Variants in LAMA3 observed in about 807,000 individuals in gnomAD.
LAMA3 encodes laminin subunit alpha 3, also known as laminin subunit alpha-3.
Under a neutral mutation model 402.0 loss-of-function variants are expected in LAMA3, and 281 were observed. That is an observed-to-expected ratio of 0.70 (90% CI 0.63 to 0.77). LAMA3 has a LOEUF of 0.77. Among genes scored for constraint, LAMA3 ranks in the 30% least tolerant of loss-of-function variants. LAMA3 has a pLI of 0.00. For synonymous variants in LAMA3, 1,431 were observed against 1,558.4 expected (o/e 0.92, Z 1.93); for missense variants, 3,840 against 4,215.5 (o/e 0.91, Z 2.47).
At chr18:23,885,590 A>G (rs890432491) in intron 41 of LAMA3, among the ~76,000 whole-genome samples, 1 of 152,122 alleles carries the variant, frequency 6.6e-6, no homozygotes, top group Admixed American at 6.5e-5. Context: ...GCCACTATGC[A>G]TAGGACACTG....
At position 23,946,382 on chromosome 18, in the gene LAMA3, T is replaced by G; in HGVS notation, c.9351+98T>G. On this transcript the variant is annotated intron_variant, in intron 70 of 74. Coordinates refer to ENST00000313654, the MANE Select transcript of LAMA3 (RefSeq NM_198129.4). ...TCAAAATACTCACCATATGAGAATC[T>G]CAAAATACTTTAAATGATTTTTAAG... is the stretch of plus-strand genomic sequence containing the variant. 3 of 1,265,472 alleles carry G rather than the reference T, an allele frequency of 2.4e-6. 1 individual carries two copies. The South Asian group carries it at 3.7e-5, about 16-fold the overall frequency. The allele number at this position is 1,265,472 out of a possible 1,614,324, so 78.4% of individuals were successfully genotyped here.
At chr18:23,814,832 A>T (rs2063144275) in intron 15 of LAMA3, among the ~76,000 whole-genome samples, 1 of 152,250 alleles carries the variant, frequency 6.6e-6, no homozygotes, top group South Asian at 2.1e-4. Context: ...ATAAGGACTT[A>T]AAAACACCGA....
Position 23,847,742 on chromosome 18 carries a change from G to A in LAMA3, c.4136+74G>A, listed in dbSNP as rs567258395. On this transcript the variant is annotated intron_variant, in intron 32 of 74. Transcript: ENST00000313654. ...GCCATCTGCCCACACACTGGTCATC[G>A]TCACTTTCCACTTCCCACCTGTCCA... 147 of 1,452,898 alleles carry A rather than the reference G, an allele frequency of 1.0e-4. No homozygotes were observed. The Middle Eastern group carries it at 2.7e-3, about 27-fold the overall frequency. The allele number at this position is 1,452,898 out of a possible 1,614,324, so 90.0% of individuals were successfully genotyped here.
intron 5 of LAMA3, among the ~76,000 whole-genome samples, chr18:23,752,112 C>A (rs1032261445): frequency 6.6e-6 from 1 of 152,150 alleles, no homozygotes; most frequent in African/African-American, 2.4e-5. Context: ...GAAAGGCAGG[C>A]ACCTTGGGTG....
At chr18:23,714,417 G>A (rs749493963) in intron 2 of LAMA3, among the ~76,000 whole-genome samples, 16 of 152,254 alleles carry the variant, frequency 1.1e-4, no homozygotes, top group Non-Finnish European at 1.8e-4. Context: ...CTACTTGGGA[G>A]GCTGAGGCAG....
intron 67 of LAMA3, among the ~76,000 whole-genome samples, chr18:23,934,348 A>C (rs1018450160): frequency 6.6e-6 from 1 of 152,166 alleles, no homozygotes. Context: ...TTGACTACAG[A>C]CTAGAAACAC....
chr18:23,760,288 T>C (rs2061942306), intron 7 of LAMA3, among the ~76,000 whole-genome samples: 1 of 152,218 alleles, frequency 6.6e-6, no homozygotes, highest in Non-Finnish European at 1.5e-5. Flanking sequence ...CTTTGAAATA[T>C]ACAATTCAAA....
At position 23,747,989 on chromosome 18, in the gene LAMA3, G is replaced by T. The variant is rs773231537; in HGVS notation, c.494G>T (p.Arg165Leu). 6.2e-7 allele frequency: 1 copy of T among 1,613,102 alleles called. No individual in the cohort carries two copies. Among genetic ancestry groups the T allele is most frequent in the African/African-American group, 1.3e-5 (1 of 74,820 alleles). ...YILIKFANSP[R>L]PDLWVLERSV... The stretch of plus-strand genomic sequence containing the variant: ...TTAATCAAATTTGCAAATTCTCCTC[G>T]CCCTGATCTTTGGGTCTTGGAAAGA... Residue 165 changes from arginine to leucine, a missense_variant, in exon 3 of 75, where the codon CGC (arginine) becomes CTC (leucine). Physicochemically the swap from Arg to Leu is moderately radical, Grantham distance 102. Coordinates refer to ENST00000313654, the MANE Select transcript of LAMA3 (RefSeq NM_198129.4).
rs150795237 is a variant in LAMA3, at chr18:23,730,684, A to T, written c.447+16612A>T. The stretch of plus-strand genomic sequence containing the variant: ...GCCCAGGCTTCACTCTTTTTTTCTT[A>T]AACAAAATGGGATGTAGATGAATAC... On this transcript the variant is annotated intron_variant, in intron 2 of 74. Coordinates refer to ENST00000313654, the MANE Select transcript of LAMA3 (RefSeq NM_198129.4). Among the ~76,000 whole-genome samples, 965 of 152,088 alleles carry T rather than the reference A, an allele frequency of 6.3e-3. 15 individuals carry two copies. Among genetic ancestry groups the T allele is most frequent in the African/African-American group, 0.022 (915 of 41,540 alleles).
At chr18:23,904,172 T>G in intron 50 of LAMA3, 85 bp downstream of exon 50, 1 of 1,522,452 alleles carries the variant, frequency 6.6e-7, no homozygotes, top group Non-Finnish European at 9.1e-7. Flanking sequence ...CTCCCCTGGG[T>G]TGGCTGGGTC....
chr18:23,738,451 T>G (rs944158973), intron 2 of LAMA3, among the ~76,000 whole-genome samples: 4 of 152,150 alleles, frequency 2.6e-5, no homozygotes, highest in African/African-American at 7.2e-5. Context: ...GTTCCTTTTT[T>G]GTGGTTTTGA....
At chr18:23,751,391 T>G (rs2061750329) in intron 5 of LAMA3, among the ~76,000 whole-genome samples, 1 of 152,206 alleles carries the variant, frequency 6.6e-6, no homozygotes, top group South Asian at 2.1e-4. Flanking sequence ...CTCAGTGGCT[T>G]AACAAAATAA....
intron 73 of LAMA3, among the ~76,000 whole-genome samples, chr18:23,952,186 G>A (rs1205355513): frequency 6.6e-6 from 1 of 152,156 alleles, no homozygotes; most frequent in Admixed American, 6.5e-5. Flanking sequence ...TTCCTCTTCT[G>A]TAAAATGGAA....
Position 23,950,142 on chromosome 18 carries a change from T to C in LAMA3, c.9625T>C (p.Tyr3209His), listed in dbSNP as rs756703129. 1.3e-5 allele frequency: 21 copies of C among 1,614,182 alleles called. No individual in the cohort carries two copies. Among genetic ancestry groups the C allele is most frequent in the Non-Finnish European group, 1.8e-5 (21 of 1,180,026 alleles). ...TCAGCCCGGGAAGCACTTATGTGTT[T>C]ACCTGGAGGCAGGAAAGGTGTGTAG... ...GSQPGKHLCV[Y>H]LEAGKVTASM... is the part of the protein sequence containing the mutation. Residue 3209 changes from tyrosine to histidine, a missense_variant, in exon 72 of 75, where the codon TAC becomes CAC. Around this residue, in one of 3 missense-constraint regions of LAMA3, gnomAD observed 840 missense variants for 981.9 expected, o/e 0.86. Coordinates refer to ENST00000313654, the MANE Select transcript of LAMA3 (RefSeq NM_198129.4).
chr18:23,859,779 G>A (rs1364605093), intron 34 of LAMA3, among the ~76,000 whole-genome samples: 3 of 152,118 alleles, frequency 2.0e-5, no homozygotes, highest in African/African-American at 7.2e-5. Flanking sequence ...ATGTAGGCAT[G>A]ATTGATTAAA....
chr18:23,765,620 T>C (rs2062060303), intron 8 of LAMA3, among the ~76,000 whole-genome samples: 1 of 152,088 alleles, frequency 6.6e-6, no homozygotes. Flanking sequence ...AGACAATCAA[T>C]AGGGACCAAT....
At chr18:23,862,758 A>G (rs2064254314) in intron 35 of LAMA3, among the ~76,000 whole-genome samples, 1 of 152,124 alleles carries the variant, frequency 6.6e-6, no homozygotes, top group Non-Finnish European at 1.5e-5. Context: ...TCAGGAGGGG[A>G]TGGCCCAGAG....
chr18:23,875,451 C>T (rs1360983996), intron 38 of LAMA3, among the ~76,000 whole-genome samples: 3 of 151,988 alleles, frequency 2.0e-5, no homozygotes, highest in Admixed American at 6.6e-5. Flanking sequence ...AACAAGGAAA[C>T]AAGACCAACC....
At position 23,810,455 on chromosome 18, in the gene LAMA3, C is replaced by T. The variant is rs371265146; in HGVS notation, c.1693C>T (p.Arg565Trp). 9.3e-6 allele frequency: 15 copies of T among 1,613,998 alleles called. No homozygotes were observed. Among genetic ancestry groups the T allele is most frequent in the African/African-American group, 8.0e-5 (6 of 74,896 alleles). The part of the protein sequence containing the change: ...CECRPGVTGQ[R>W]CDRCLSGAYD... ...ATGTCGGCCAGGAGTTACAGGACAG[C>T]GGTGTGACAGGTGTCTCTCAGGAGC... is the stretch of plus-strand genomic sequence containing the variant. Residue 565 changes from arginine to tryptophan, a missense_variant, in exon 13 of 75, where the codon CGG becomes TGG. Physicochemically the swap from Arg to Trp is moderately radical, Grantham distance 101. Coordinates refer to ENST00000313654, the MANE Select transcript of LAMA3 (RefSeq NM_198129.4).
Sources: allele counts gnomAD v4.1 joint callset (sites outside exome capture counted in the v4.1 genomes callset), GRCh38; gene constraint gnomAD v4.1.1; regional missense constraint gnomAD v4.1.1; transcripts MANE v1.5; gene names NCBI Gene and HGNC (gene_info 2026-07-23, HGNC 2026-07-21).